SHANK2: variants seen among roughly 807,000 people sequenced by gnomAD.
SHANK2 encodes the protein SH3 and multiple ankyrin repeat domains 2, also known as SH3 and multiple ankyrin repeat domains protein 2.
SHANK2 carries 43 observed loss-of-function variants against 133.7 expected under a neutral mutation model. The ratio of observed to expected loss-of-function variants is 0.32; its 90% CI spans 0.25 to 0.41. The LOEUF is 0.41. Ranked by LOEUF, SHANK2 falls within the 10% of genes least tolerant of loss-of-function variation. The pLI, the probability that SHANK2 is intolerant of heterozygous loss-of-function variation, is 1.00. For missense variants in SHANK2, 1,994 were observed against 2,235.8 expected (o/e 0.89, Z 2.18); for synonymous variants, 1,017 against 952.8 (o/e 1.07, Z -1.24).
Position 70,471,014 on chromosome 11 carries a change from A to G in SHANK2, c.*1855T>C, listed in dbSNP as rs1466468169. 6.1e-6 allele frequency: 2 copies of G among 328,382 alleles called. No homozygotes were observed. Among genetic ancestry groups the G allele is most frequent in the African/African-American group, 4.2e-5 (2 of 47,578 alleles). The allele number at this position is 328,382 out of a possible 1,614,324, so 20.3% of individuals were successfully genotyped here. On this transcript the variant is annotated 3_prime_UTR_variant, in exon 26 of 26. Transcript: ENST00000601538. This position sits in a 1 kb window ranked among gnomAD's most constrained non-coding sequence, Gnocchi z 4.1. ...GATGCATCCAAATAAGGTTGATTTA[A>G]AAAGGTCATACTTTTATAATTATTC...
At position 71,237,718 on chromosome 11, in the gene SHANK2, T is replaced by C. The variant is rs533144655; in HGVS notation, c.-112-12922A>G. On this transcript the variant is annotated intron_variant, in intron 1 of 25. Transcript: ENST00000601538. Reference sequence around the variant, plus strand: ...CAAGCCCACCACAATGCAGGCTTTATAGGAGGGCCCCTAACTGAATCACTA... The same window carrying C: ...CAAGCCCACCACAATGCAGGCTTTACAGGAGGGCCCCTAACTGAATCACTA... Among the ~76,000 whole-genome samples the C allele has an allele frequency of 1.3e-3, 200 of 152,324 alleles. 1 individual carries two copies. The highest frequency in any genetic ancestry group is 4.4e-3 in the African/African-American group (182 of 41,594).
intron 2 of SHANK2, among the ~76,000 whole-genome samples, chr11:71,221,316 G>A (rs1954535255): frequency 6.6e-6 from 1 of 152,122 alleles, no homozygotes; most frequent in Admixed American, 6.5e-5. Context: ...GAGCAGGATT[G>A]GACCCTCACA....
intron 17 of SHANK2, among the ~76,000 whole-genome samples, chr11:70,556,695 A>G (rs1554979727): frequency 6.6e-6 from 1 of 150,588 alleles, no homozygotes; most frequent in African/African-American, 2.4e-5. Flanking sequence ...AGGATCAAGT[A>G]ATTCTCCTGC....
chr11:70,840,570 G>C (rs76934544), intron 11 of SHANK2, among the ~76,000 whole-genome samples: 12,642 of 152,280 alleles, frequency 0.083, 860 homozygotes, highest in East Asian at 0.23. Flanking sequence ...AAAAGGTGGA[G>C]ACCTGGGAGG....
rs1389832846 is a variant in SHANK2, at chr11:71,188,074, ACACAGT to A, written c.-13+36617_-13+36622del. ...CCTGGCGGGTCAAAGGTCAGACCCC[ACACAGT>A]CCTTGCCACCACACATCTGCTCCTC... is the stretch of plus-strand genomic sequence containing the variant. On this transcript the variant is annotated intron_variant, in intron 2 of 25. Coordinates refer to ENST00000601538, the MANE Select transcript of SHANK2 (RefSeq NM_012309.5). This position sits in a 1 kb window ranked among gnomAD's most constrained non-coding sequence, Gnocchi z 4.6. 6.6e-6 allele frequency among the ~76,000 whole-genome samples: 1 copy of A among 152,112 alleles called. No individual in the cohort carries two copies. The highest frequency in any genetic ancestry group is 1.5e-5 in the Non-Finnish European group (1 of 68,014).
At chr11:70,762,614 C>T (rs1555040474) in intron 14 of SHANK2, among the ~76,000 whole-genome samples, 1 of 152,170 alleles carries the variant, frequency 6.6e-6, no homozygotes, top group East Asian at 1.9e-4. Context: ...TACAGAGGTG[C>T]ACAGACCCCA....
chr11:71,189,103 T>C (rs1395612297), intron 2 of SHANK2, among the ~76,000 whole-genome samples: 1 of 152,200 alleles, frequency 6.6e-6, no homozygotes, highest in African/African-American at 2.4e-5. Context: ...ACATCTGCCA[T>C]TCTCGGCTGA....
At chr11:71,178,856 G>A (rs1209459196) in intron 2 of SHANK2, among the ~76,000 whole-genome samples, 5 of 152,066 alleles carry the variant, frequency 3.3e-5, no homozygotes, top group African/African-American at 4.8e-5. Flanking sequence ...GGTGGTGCAC[G>A]CCTGTAATCC....
At chr11:71,209,814 C>A (rs906333944) in intron 2 of SHANK2, among the ~76,000 whole-genome samples, 3 of 152,138 alleles carry the variant, frequency 2.0e-5, no homozygotes, top group African/African-American at 7.2e-5. Context: ...GAGAGATATA[C>A]TGGGGGGTCT....
intron 11 of SHANK2, among the ~76,000 whole-genome samples, chr11:70,824,441 C>T (rs2135371822): frequency 6.6e-6 from 1 of 152,276 alleles, no homozygotes; most frequent in African/African-American, 2.4e-5. Context: ...CCTCAGCCAG[C>T]ACTTTCATCC....
intron 14 of SHANK2, among the ~76,000 whole-genome samples, chr11:70,783,565 C>T (rs538825399): frequency 2.6e-5 from 4 of 152,204 alleles, no homozygotes; most frequent in South Asian, 4.2e-4. Flanking sequence ...CAGAGTCCCA[C>T]GACACTGTCT....
intron 17 of SHANK2, among the ~76,000 whole-genome samples, chr11:70,642,109 G>A (rs540556660): frequency 1.4e-3 from 209 of 152,346 alleles, no homozygotes; most frequent in Non-Finnish European, 2.5e-3. Flanking sequence ...GAGGGAGGCC[G>A]CATTTCACAG....
chr11:70,877,156 G>A (rs1298109311), intron 11 of SHANK2, among the ~76,000 whole-genome samples: 7 of 152,200 alleles, frequency 4.6e-5, no homozygotes, highest in Non-Finnish European at 1.0e-4. Context: ...AGCAACAATG[G>A]TGTTCTGAAT....
chr11:71,169,522 G>T (rs370287722), intron 2 of SHANK2, among the ~76,000 whole-genome samples: 106 of 152,244 alleles, frequency 7.0e-4, no homozygotes, highest in African/African-American at 2.4e-3. Context: ...AGGCCGAGGC[G>T]GGTGAATCAC....
chr11:71,144,185 C>T (rs1243128171), intron 3 of SHANK2, among the ~76,000 whole-genome samples: 9 of 150,820 alleles, frequency 6.0e-5, no homozygotes, highest in African/African-American at 2.2e-4. Flanking sequence ...CCACACCCAA[C>T]AAGGCTCAGG....
At chr11:70,872,110 T>C (rs782281607) in intron 11 of SHANK2, among the ~76,000 whole-genome samples, 7 of 152,178 alleles carry the variant, frequency 4.6e-5, no homozygotes, top group Non-Finnish European at 8.8e-5. Flanking sequence ...GTCTGGGCAG[T>C]GTCCCATTGC....
chr11:70,694,108 TG>T (rs1555021707), intron 15 of SHANK2, among the ~76,000 whole-genome samples: 3 of 152,078 alleles, frequency 2.0e-5, no homozygotes, highest in Non-Finnish European at 4.4e-5. Flanking sequence ...TAACGAGGAG[TG>T]GGAACTTAAG....
At chr11:71,179,543 C>A (rs1380557248) in intron 2 of SHANK2, among the ~76,000 whole-genome samples, 1 of 152,134 alleles carries the variant, frequency 6.6e-6, no homozygotes, top group African/African-American at 2.4e-5. Flanking sequence ...CCCTAAGATC[C>A]TTGATCTTAC....
At chr11:70,604,144 G>C (rs1554991693) in intron 17 of SHANK2, 1 of 152,272 alleles carries the variant, frequency 6.6e-6, no homozygotes, top group Non-Finnish European at 1.5e-5. Flanking sequence ...CTCTGCGCAG[G>C]CCCAGCTGCT....
Sources: allele counts gnomAD v4.1 joint callset (sites outside exome capture counted in the v4.1 genomes callset), GRCh38; gene constraint gnomAD v4.1.1; non-coding constraint Gnocchi (gnomAD v3.1); transcripts MANE v1.5; gene names NCBI Gene and HGNC (gene_info 2026-07-23, HGNC 2026-07-21).